Variants in CDH18 observed in about 807,000 individuals in gnomAD.
CDH18 encodes cadherin 18, also known as cadherin-18.
Under a neutral mutation model 67.9 loss-of-function variants are expected in CDH18, and 31 were observed. That is an observed-to-expected ratio of 0.46 (90% CI 0.34 to 0.62). CDH18 has a LOEUF of 0.62. Among genes scored for constraint, CDH18 ranks in the 20% least tolerant of loss-of-function variants. The pLI, the probability that CDH18 is intolerant of heterozygous loss-of-function variation, is 0.01. For synonymous variants in CDH18, 362 were observed against 347.2 expected (o/e 1.04, Z -0.48); for missense variants, 890 against 975.5 (o/e 0.91, Z 1.17).
intron 8 of CDH18, among the ~76,000 whole-genome samples, chr5:19,556,458 T>C (rs1433326892): frequency 2.6e-5 from 4 of 151,962 alleles, no homozygotes; most frequent in Admixed American, 2.6e-4. Flanking sequence ...ATCAATGACA[T>C]ACTTAGGGAA....
intron 2 of CDH18, among the ~76,000 whole-genome samples, chr5:20,241,611 G>T (rs1238221225): frequency 6.6e-6 from 1 of 151,974 alleles, no homozygotes; most frequent in Non-Finnish European, 1.5e-5. Context: ...CAGCACTTTG[G>T]GAGGCCAAGG....
At position 19,801,001 on chromosome 5, in the gene CDH18, C is replaced by T. The variant is rs141751868; in HGVS notation, c.228+37758G>A. ...GGTGTGGCAGCATGCACATGCAGTC[C>T]CAGCTACTCAGGAGGCTGAGGCAGG... On this transcript the variant is annotated intron_variant, in intron 3 of 12. Transcript: ENST00000382275. 4.8e-3 allele frequency among the ~76,000 whole-genome samples: 731 copies of T among 152,030 alleles called. 6 individuals are homozygous for T. Among genetic ancestry groups the T allele is most frequent in the African/African-American group, 0.016 (670 of 41,468 alleles).
At position 19,937,790 on chromosome 5, in the gene CDH18, T is replaced by TTA. The variant is rs1331976015; in HGVS notation, c.-257+43268_-257+43269dup. Among the ~76,000 whole-genome samples, 3 of 150,588 alleles carry TTA rather than the reference T, an allele frequency of 2.0e-5. No individual in the cohort carries two copies. In the East Asian group the frequency reaches 5.8e-4, roughly 29 times the overall value. On this transcript the variant is annotated intron_variant, in intron 2 of 12. Transcript: ENST00000382275. ...TTGAAGAACAAAAAAATTTCAGCAG[T>TTA]TATATATATAGAGAGAGACATTTTT... is the stretch of plus-strand genomic sequence containing the variant.
At chr5:19,524,734 G>A (rs1747463445) in intron 9 of CDH18, among the ~76,000 whole-genome samples, 1 of 151,848 alleles carries the variant, frequency 6.6e-6, no homozygotes, top group Non-Finnish European at 1.5e-5. Context: ...ACTTGTTCCT[G>A]AGTAAGTAAC....
chr5:20,415,154 G>A (rs919135038), intron 1 of CDH18, among the ~76,000 whole-genome samples: 1 of 152,144 alleles, frequency 6.6e-6, no homozygotes, highest in Non-Finnish European at 1.5e-5. Flanking sequence ...GGGAGGCTGA[G>A]GCGGGTGGAT....
At chr5:20,033,396 C>T (rs1176626257) in intron 2 of CDH18, among the ~76,000 whole-genome samples, 2 of 151,986 alleles carry the variant, frequency 1.3e-5, no homozygotes, top group Non-Finnish European at 2.9e-5. Context: ...TACCAAAATG[C>T]TCAGACTAGT....
chr5:19,988,019 G>C (rs1368325081), intron 1 of CDH18, 67 bp downstream of exon 1: 1 of 152,246 alleles, frequency 6.6e-6, no homozygotes, highest in Non-Finnish European at 1.5e-5. Context: ...ACTGGGTAAA[G>C]CAGCCCCGCT....
Position 19,678,215 on chromosome 5 carries a change from AC to A in CDH18, c.643+43131del, listed in dbSNP as rs1759769381. ...ATAGCACATGCTCTATATTGATCACACAATCAAACATAAAACAATCCTCAGC... is the reference window on the plus strand; with the variant it reads ...ATAGCACATGCTCTATATTGATCACAAATCAAACATAAAACAATCCTCAGC... On this transcript the variant is annotated intron_variant, in intron 5 of 12. Transcript: ENST00000382275. Among the ~76,000 whole-genome samples the A allele has an allele frequency of 6.0e-5, 9 of 149,212 alleles. No individual in the cohort carries two copies. The South Asian group carries it at 1.5e-3, about 25-fold the overall frequency.
intron 3 of CDH18, among the ~76,000 whole-genome samples, chr5:19,770,374 C>T (rs1179921428): frequency 6.6e-6 from 1 of 151,852 alleles, no homozygotes; most frequent in Non-Finnish European, 1.5e-5. Flanking sequence ...AAGAAAATTA[C>T]ATTAGTATAA....
intron 2 of CDH18, among the ~76,000 whole-genome samples, chr5:20,115,178 T>G (rs1011598415): frequency 4.6e-5 from 7 of 151,754 alleles, no homozygotes; most frequent in Admixed American, 1.3e-4. Context: ...TTTGGTAAAT[T>G]TGCACATGAT....
rs551647462 is a variant in CDH18 at position 20,047,420 on chromosome 5, G to C, written c.-517-55406C>G. ...GCACTATTTTCATTATTAAATGAAA[G>C]AGCAGAAAACACTATAGTAGAAATG... On this transcript the variant is annotated intron_variant, in intron 2 of 14. Coordinates refer to the CDH18 transcript ENST00000507958. 1.4e-3 allele frequency among the ~76,000 whole-genome samples: 216 copies of C among 151,970 alleles called. 2 individuals are homozygous for C. Among genetic ancestry groups the C allele is most frequent in the African/African-American group, 4.9e-3 (202 of 41,524 alleles).
intron 2 of CDH18, among the ~76,000 whole-genome samples, chr5:20,069,681 G>A (rs893475329): frequency 4.6e-5 from 7 of 152,044 alleles, no homozygotes; most frequent in African/African-American, 1.7e-4. Context: ...AAAGTGCTGG[G>A]ATTACAGACG....
At chr5:20,052,986 C>T (rs1741567166) in intron 2 of CDH18, among the ~76,000 whole-genome samples, 1 of 151,278 alleles carries the variant, frequency 6.6e-6, no homozygotes. Context: ...GCCAGTTTGT[C>T]CTCAAATAAA....
At chr5:19,530,837 T>C (rs1012211912) in intron 9 of CDH18, among the ~76,000 whole-genome samples, 1 of 152,218 alleles carries the variant, frequency 6.6e-6, no homozygotes. Context: ...CTATCGTTGT[T>C]GGACATTTGG....
chr5:19,905,529 G>C (rs1191172489), intron 2 of CDH18, among the ~76,000 whole-genome samples: 2 of 151,724 alleles, frequency 1.3e-5, no homozygotes, highest in African/African-American at 4.8e-5. Context: ...CGTATGATTA[G>C]TAGTTTAATA....
At chr5:20,285,096 G>A (rs947885120) in intron 1 of CDH18, among the ~76,000 whole-genome samples, 5 of 151,632 alleles carry the variant, frequency 3.3e-5, no homozygotes, top group African/African-American at 9.6e-5. Context: ...TATATTGGGG[G>A]CTTATTTGCA....
chr5:19,626,900 T>C (rs930376223), intron 5 of CDH18, among the ~76,000 whole-genome samples: 1 of 152,170 alleles, frequency 6.6e-6, no homozygotes, highest in African/African-American at 2.4e-5. Flanking sequence ...GGCTCATAGA[T>C]ATAATTATAA....
intron 1 of CDH18, among the ~76,000 whole-genome samples, chr5:20,444,733 G>A (rs1247378322): frequency 1.8e-4 from 27 of 151,006 alleles, no homozygotes. Flanking sequence ...CAATACTCAA[G>A]TTAGGCTCAT....
chr5:19,731,943 A>C (rs1767652337), intron 4 of CDH18, among the ~76,000 whole-genome samples: 1 of 151,594 alleles, frequency 6.6e-6, no homozygotes, highest in Non-Finnish European at 1.5e-5. Flanking sequence ...CACAAAAATT[A>C]GCCAGACCTG....
Sources: allele counts gnomAD v4.1 joint callset (sites outside exome capture counted in the v4.1 genomes callset), GRCh38; gene constraint gnomAD v4.1.1; transcripts MANE v1.5; gene names NCBI Gene and HGNC (gene_info 2026-07-23, HGNC 2026-07-21).